Variants in ZFYVE28 observed in about 807,000 individuals in gnomAD.
The protein encoded by ZFYVE28 is zinc finger FYVE-type containing 28.
In ZFYVE28, 40 loss-of-function variants were observed where a neutral mutation model predicts 82.1. That is an observed-to-expected ratio of 0.49 (90% confidence interval 0.38 to 0.63). The LOEUF is 0.63. Ranked by LOEUF, ZFYVE28 falls within the 30% of genes least tolerant of loss-of-function variation. ZFYVE28 has a pLI of 0.00. For synonymous variants in ZFYVE28, 612 were observed against 546.1 expected (o/e 1.12, Z -1.68); for missense variants, 1,321 against 1,242.1 (o/e 1.06, Z -0.96).
chr4:2,318,225 C>A (rs1274190189), intron 7 of ZFYVE28, among the ~76,000 whole-genome samples: 3 of 152,198 alleles, frequency 2.0e-5, no homozygotes, highest in Non-Finnish European at 4.4e-5. Context: ...GCTCTTAGTT[C>A]ACCCAGTCCT....
rs956989679 is a variant in ZFYVE28, at chr4:2,409,123, T to C, written c.39+9162A>G. On this transcript the variant is annotated intron_variant, in intron 1 of 12. Transcript: ENST00000290974. This position sits in a 1 kb window ranked among gnomAD's most constrained non-coding sequence, Gnocchi z 4.4. ...CCCTCACATTCCCCGTGGAGTTGCA[T>C]GGCCATCAAACACACTGTCCAAACC... Among the ~76,000 whole-genome samples, 21 of 150,774 alleles carry C rather than the reference T, an allele frequency of 1.4e-4. No homozygotes were observed. The highest frequency in any genetic ancestry group is 5.1e-4 in the African/African-American group (21 of 40,870).
chr4:2,367,439 T>C (rs1727006890), intron 1 of ZFYVE28, among the ~76,000 whole-genome samples: 1 of 151,820 alleles, frequency 6.6e-6, no homozygotes, highest in Non-Finnish European at 1.5e-5. Flanking sequence ...TCTGAAAGGG[T>C]GGTGGGGATG....
chr4:2,373,837 G>A (rs555728888), intron 1 of ZFYVE28, among the ~76,000 whole-genome samples: 2 of 152,264 alleles, frequency 1.3e-5, no homozygotes, highest in South Asian at 2.1e-4. Flanking sequence ...CACATGCCAC[G>A]CCTCTCCACT....
intron 1 of ZFYVE28, among the ~76,000 whole-genome samples, chr4:2,392,372 C>CGTAA (rs1645172373): frequency 6.6e-6 from 1 of 152,154 alleles, no homozygotes; most frequent in Admixed American, 6.5e-5. Context: ...TAATCCAATG[C>CGTAA]GTAAGTACAT....
chr4:2,339,449 G>A lies in ZFYVE28; in HGVS notation c.521+4C>T, dbSNP rs948479811. On this transcript the variant is annotated splice_donor_region_variant and intron_variant, in intron 4 of 12. Transcript: ENST00000290974. This position sits in a 1 kb window ranked among gnomAD's most constrained non-coding sequence, Gnocchi z 5.0. ...CCAGGGCTGTGGACCCACAGCTGCA[G>A]TACCTGAGCTCAAACTCTGCGAACA... The A allele has an allele frequency of 1.2e-6, 2 of 1,613,134 alleles. No individual in the cohort carries two copies. Among genetic ancestry groups the A allele is most frequent in the Non-Finnish European group, 1.7e-6 (2 of 1,179,742 alleles).
At chr4:2,293,877 A>C (rs2108813236) in intron 8 of ZFYVE28, among the ~76,000 whole-genome samples, 1 of 152,168 alleles carries the variant, frequency 6.6e-6, no homozygotes, top group East Asian at 1.9e-4. Context: ...CAAAATATAG[A>C]ATACTTGAGG....
In ZFYVE28 at chr4:2,415,613, C is replaced by T. The variant is rs1485265987; in HGVS notation, c.39+2672G>A. Among the ~76,000 whole-genome samples, 3 of 152,344 alleles carry T rather than the reference C, an allele frequency of 2.0e-5. No homozygotes were observed. In the South Asian group the frequency reaches 6.2e-4, roughly 32 times the overall value. Reference sequence around the variant, plus strand: ...AATTCCTGACTGCAGGCAACAGTCTCCCCCAGACACATCCTCCCACAGCTA... The same window carrying T: ...AATTCCTGACTGCAGGCAACAGTCTTCCCCAGACACATCCTCCCACAGCTA... On this transcript the variant is annotated intron_variant, in intron 1 of 12. Transcript: ENST00000290974.
At chr4:2,384,412 C>T (rs2269481) in intron 1 of ZFYVE28, among the ~76,000 whole-genome samples, 52,870 of 152,118 alleles carry the variant, frequency 0.35, 9,772 homozygotes, top group East Asian at 0.5. Flanking sequence ...CCCAGGGTCA[C>T]TCCAGCTGCC....
chr4:2,329,160 C>A, intron 6 of ZFYVE28: 1 of 693,346 alleles, frequency 1.4e-6, no homozygotes, highest in South Asian at 1.5e-5. Context: ...ACAAAAAGGC[C>A]AATGGAGTTT....
At chr4:2,369,550 G>A (rs151032669) in intron 1 of ZFYVE28, among the ~76,000 whole-genome samples, 325 of 152,294 alleles carry the variant, frequency 2.1e-3, no homozygotes, top group African/African-American at 7.2e-3. Context: ...GCAGATGAAA[G>A]AGAGGTAAGA....
intron 1 of ZFYVE28, among the ~76,000 whole-genome samples, chr4:2,377,108 A>G (rs996835251): frequency 1.3e-5 from 2 of 148,490 alleles, no homozygotes; most frequent in African/African-American, 2.5e-5. Flanking sequence ...TGCAAGCTCC[A>G]CCTCCCGGGT....
rs1733256391 is a variant in ZFYVE28, at chr4:2,417,792, G to GTCTGTTCTGGAGTGCGGAGGGAGA, written c.39+469_39+492dup. Among the ~76,000 whole-genome samples the GTCTGTTCTGGAGTGCGGAGGGAGA allele has an allele frequency of 6.6e-6, 1 of 151,884 alleles. No individual in the cohort carries two copies. The highest frequency in any genetic ancestry group is 1.5e-5 in the Non-Finnish European group (1 of 67,980). On this transcript the variant is annotated intron_variant, in intron 1 of 12. Transcript: ENST00000290974. This position sits in a 1 kb window ranked among gnomAD's most constrained non-coding sequence, Gnocchi z 4.8. ...CAGAACCTGGGGAAGTGGGGAGAGG[G>GTCTGTTCTGGAGTGCGGAGGGAGA]TCTGTTCTGGAGTGCGGAGGGAGAT... is the stretch of plus-strand genomic sequence containing the variant.
Position 2,304,402 on chromosome 4 carries a change from C to T in ZFYVE28, c.1938G>A (p.Ala646=), listed in dbSNP as rs533706467. 47 of 1,613,370 alleles carry T rather than the reference C, an allele frequency of 2.9e-5. 1 individual carries two copies. Among genetic ancestry groups the T allele is most frequent in the South Asian group, 2.0e-4 (18 of 91,090 alleles). The stretch of plus-strand genomic sequence containing the variant: ...CCCCAGCCTCTCCTTGCAGCCCACT[C>T]GCTGTGTCCACCTGGGAACCTGAGG... ...PHTSGSQVDT[A]SGLQGEAGVA... is the part of the protein sequence containing the mutation. The change falls in exon 8 of 13, where the codon GCG becomes GCA. Residue 646 remains alanine, a synonymous_variant. Transcript: ENST00000290974.
chr4:2,271,260 G>C, intron 12 of ZFYVE28, 51 bp downstream of exon 12: 1 of 1,564,938 alleles, frequency 6.4e-7, no homozygotes, highest in Non-Finnish European at 8.7e-7. Context: ...GGCTCTGTCC[G>C]TGGACGCCCT....
intron 7 of ZFYVE28, among the ~76,000 whole-genome samples, chr4:2,305,956 T>A (rs1716507813): frequency 6.6e-6 from 1 of 152,246 alleles, no homozygotes; most frequent in South Asian, 2.1e-4. Context: ...AGGAGCTGGG[T>A]ACCAGGACAC....
rs1267672424 is a variant in ZFYVE28 at position 2,325,027 on chromosome 4, T to C, written c.702-4756A>G. On this transcript the variant is annotated intron_variant, in intron 6 of 12. Transcript: ENST00000290974. ...TCAAGAATATCTTAGTTTAAATAAC[T>C]AGAATGCAAATTGTAACTATACATG... 4 of 155,500 alleles carry C rather than the reference T, an allele frequency of 2.6e-5. No individual in the cohort carries two copies. The South Asian group carries it at 5.9e-4, about 23-fold the overall frequency. The allele number at this position is 155,500 out of a possible 1,614,324, so 9.6% of individuals were successfully genotyped here.
rs1160688311 is a variant in ZFYVE28 at position 2,332,999 on chromosome 4, C to T, written c.701+2706G>A. Among the ~76,000 whole-genome samples the T allele has an allele frequency of 2.0e-5, 3 of 152,038 alleles. No individual in the cohort carries two copies. The highest frequency in any genetic ancestry group is 2.9e-5 in the Non-Finnish European group (2 of 67,978). ...CTTTGGGCTCTTATGCCCTCTCGCC[C>T]TTCCTCCCTCCTTCAATCCAAGCCC... is the stretch of plus-strand genomic sequence containing the variant. On this transcript the variant is annotated intron_variant, in intron 6 of 12. Transcript: ENST00000290974. The surrounding 1 kb of genome is among the most constrained non-coding windows in gnomAD (Gnocchi z 4.7).
At chr4:2,347,571 C>T (rs1381641006) in intron 2 of ZFYVE28, among the ~76,000 whole-genome samples, 3 of 152,244 alleles carry the variant, frequency 2.0e-5, no homozygotes, top group African/African-American at 7.2e-5. Context: ...AAAGTATATC[C>T]TCTGACCACA....
rs1032652758 is a variant in ZFYVE28 at position 2,413,302 on chromosome 4, C to A, written c.39+4983G>T. On this transcript the variant is annotated intron_variant, in intron 1 of 12. Coordinates refer to ENST00000290974, the MANE Select transcript of ZFYVE28 (RefSeq NM_020972.3). The stretch of plus-strand genomic sequence containing the variant: ...AAGAGCACATGGGCTCTCAGGCGTC[C>A]GCACTGCACTCCCGCTGACCACAGC... 3.3e-5 allele frequency among the ~76,000 whole-genome samples: 5 copies of A among 152,368 alleles called. No individual in the cohort carries two copies. The South Asian group carries it at 6.2e-4, about 19-fold the overall frequency.
Sources: gnomAD v4.1 joint callset for allele counts (sites outside exome capture counted in the v4.1 genomes callset) on GRCh38, gnomAD v4.1.1 for gene constraint, Gnocchi (gnomAD v3.1) non-coding constraint, MANE v1.5 for transcripts, NCBI Gene and HGNC (gene_info 2026-07-23, HGNC 2026-07-21) for gene names.